ZFP92: variants seen among roughly 807,000 people sequenced by gnomAD.
The protein encoded by ZFP92 is ZFP92 zinc finger protein.
Under a neutral mutation model 7.6 loss-of-function variants are expected in ZFP92, and 2 were observed. The observed-to-expected ratio is 0.26, with a 90% CI of 0.11 to 0.83. ZFP92 has a LOEUF of 0.83. Ranked by LOEUF, ZFP92 falls within the 40% of genes least tolerant of loss-of-function variation. ZFP92 has a pLI of 0.65. For synonymous variants in ZFP92, 226 were observed against 183.6 expected (o/e 1.23, Z -1.87); for missense variants, 324 against 408.3 (o/e 0.79, Z 1.78).
In ZFP92 at chrX:153,420,985, G is replaced by A; in HGVS notation, c.608G>A (p.Ser203Asn). The part of the protein sequence containing the change: ...FALLEHQRIH[S>N]GEKPYACPEC... ...CTCCTGGAGCACCAGCGCATCCACAGCGGCGAGAAGCCCTACGCCTGCCCC... is the reference window on the plus strand; with the variant it reads ...CTCCTGGAGCACCAGCGCATCCACAACGGCGAGAAGCCCTACGCCTGCCCC... The change falls in exon 6 of 6, where the codon AGC becomes AAC. Residue 203 changes from serine to asparagine, a missense_variant. Ser to Asn is a conservative substitution (Grantham distance 46, BLOSUM62 1). Coordinates refer to ENST00000338647, the MANE Select transcript of ZFP92 (RefSeq NM_001136273.2). 8.3e-7 allele frequency: 1 copy of A among 1,200,510 alleles called. No homozygotes were observed. Among genetic ancestry groups the A allele is most frequent in the Non-Finnish European group, 1.1e-6 (1 of 889,642 alleles).
At chrX:153,412,476 A>G (rs1437150503) in intron 2 of ZFP92, among the ~76,000 whole-genome samples, 2 of 112,638 alleles carry the variant, frequency 1.8e-5, no homozygotes, top group Non-Finnish European at 3.8e-5. Context: ...AATGTTTTCC[A>G]TTAGTAATTA....
intron 2 of ZFP92, among the ~76,000 whole-genome samples, chrX:153,415,968 A>T (rs1299552381): frequency 9.0e-6 from 1 of 110,763 alleles, no homozygotes; most frequent in African/African-American, 3.3e-5. Context: ...CCAGCATCTC[A>T]TTGACGACCC....
chrX:153,414,356 T>C (rs2088933764), intron 2 of ZFP92, among the ~76,000 whole-genome samples: 1 of 111,429 alleles, frequency 9.0e-6, no homozygotes, highest in Non-Finnish European at 1.9e-5. Context: ...AACATAAAAA[T>C]TAATTTTTTG....
chrX:153,421,384 G>A lies in ZFP92; in HGVS notation c.1007G>A (p.Ser336Asn), dbSNP rs2089001668. The change falls in exon 6 of 6, where the codon AGC (serine) becomes AAC (asparagine). Residue 336 changes from serine to asparagine, a missense_variant. Physicochemically the swap from Ser to Asn is conservative, Grantham distance 46 (BLOSUM62 1). Transcript: ENST00000338647. ...GKAFRGRSGL[S>N]QHRRVHSGEK... ...GCCTTCCGTGGCCGTTCGGGCCTCA[G>A]CCAGCACCGGCGCGTGCACAGCGGT... The A allele has an allele frequency of 8.6e-7, 1 of 1,157,587 alleles. No individual in the cohort carries two copies. The highest frequency in any genetic ancestry group is 1.1e-6 in the Non-Finnish European group (1 of 872,423).
At chrX:153,413,186 C>G (rs1469157984) in intron 2 of ZFP92, among the ~76,000 whole-genome samples, 2 of 108,807 alleles carry the variant, frequency 1.8e-5, no homozygotes, top group Non-Finnish European at 3.8e-5. Flanking sequence ...GATGAAAAAG[C>G]CCAAATTCCT....
In ZFP92 at chrX:153,424,696, C is replaced by T. The variant is rs2089031362; in HGVS notation, c.*3068C>T. 1.8e-5 allele frequency: 2 copies of T among 112,496 alleles called. No individual in the cohort carries two copies. The highest frequency in any genetic ancestry group is 3.2e-5 in the African/African-American group (1 of 30,958). The allele number at this position is 112,496 out of a possible 1,213,427, so 9.3% of individuals were successfully genotyped here. ...TTGCCCTTTGAAACTGTGAATGCTT[C>T]AAGAGCCACATAAATGCTCTGGCAG... On this transcript the variant is annotated 3_prime_UTR_variant, in exon 6 of 6. Coordinates refer to ENST00000338647, the MANE Select transcript of ZFP92 (RefSeq NM_001136273.2).
Position 153,420,989 on chromosome X carries a change from C to T in ZFP92, c.612C>T (p.Gly204=), listed in dbSNP as rs782813653. 5 of 1,197,578 alleles carry T rather than the reference C, an allele frequency of 4.2e-6. No individual in the cohort carries two copies. In the African/African-American group the frequency reaches 8.7e-5, roughly 21 times the overall value. The change falls in exon 6 of 6, where the codon GGC becomes GGT. Residue 204 remains glycine (G), a synonymous_variant. Coordinates refer to ENST00000338647, the MANE Select transcript of ZFP92 (RefSeq NM_001136273.2). ...ALLEHQRIHS[G]EKPYACPECS... ...TGGAGCACCAGCGCATCCACAGCGG[C>T]GAGAAGCCCTACGCCTGCCCCGAGT...
At position 153,421,830 on chromosome X, in the gene ZFP92, G is replaced by C. The variant is rs1271218018; in HGVS notation, c.*202G>C. 1 of 445,456 alleles carries C rather than the reference G, an allele frequency of 2.2e-6. No individual in the cohort carries two copies. The highest frequency in any genetic ancestry group is 3.1e-6 in the Non-Finnish European group (1 of 325,658). 36.7% of individuals were successfully genotyped at this position (445,456 alleles called of 1,213,427 possible). A position where few individuals can be genotyped will look rare whatever the true frequency, so the allele number is the denominator to read the frequency against. On this transcript the variant is annotated 3_prime_UTR_variant, in exon 6 of 6. Transcript: ENST00000338647. ...AAACGCAGGAAGGACTCAGAACCGA[G>C]GACTGCCGCCTGCCCTGGCTCCTCC...
rs1556974254 is a variant in ZFP92, at chrX:153,418,392, G to A, written c.33+37G>A. 3.4e-6 allele frequency: 4 copies of A among 1,160,396 alleles called. No homozygotes were observed. The African/African-American group carries it at 5.4e-5, about 16-fold the overall frequency. ...CCCCTCTCCCTGGCCTCTCCCCCTGGCAGCCCCCGTCTGCTGCCTCCTCAT... is the reference window on the plus strand; with the variant it reads ...CCCCTCTCCCTGGCCTCTCCCCCTGACAGCCCCCGTCTGCTGCCTCCTCAT... On this transcript the variant is annotated intron_variant, in intron 3 of 5. Transcript: ENST00000338647.
rs993113718 is a variant in ZFP92 at position 153,420,215 on chromosome X, A to G, written c.161-13A>G. 22 of 1,159,214 alleles carry G rather than the reference A, an allele frequency of 1.9e-5. No individual in the cohort carries two copies. In the East Asian group the frequency reaches 3.9e-4, roughly 21 times the overall value. ...CCATAGTGGTCTTGACCTGCTTCAT[A>G]TTCCACGCCCAGGATTTTCCTTCTC... On this transcript the variant is annotated splice_polypyrimidine_tract_variant and intron_variant, in intron 4 of 5. Transcript: ENST00000338647.
In ZFP92 at chrX:153,423,429, C is replaced by CAT. The variant is rs1431506344; in HGVS notation, c.*1802_*1803insTA. 2.8e-5 allele frequency: 3 copies of CAT among 108,997 alleles called. No individual in the cohort carries two copies. The highest frequency in any genetic ancestry group is 5.8e-5 in the Non-Finnish European group (3 of 52,044). The allele number at this position is 108,997 out of a possible 1,213,427, so 9.0% of individuals were successfully genotyped here. A position where few individuals can be genotyped will look rare whatever the true frequency, so the allele number is the denominator to read the frequency against. ...ACACACACACACACACACACACACACACACGATATATATAGTTTTATGAAA... is the reference window on the plus strand; with the variant it reads ...ACACACACACACACACACACACACACATACACGATATATATAGTTTTATGAAA... On this transcript the variant is annotated 3_prime_UTR_variant, in exon 6 of 6. Transcript: ENST00000338647.
chrX:153,414,600 C>T (rs1453873436), intron 2 of ZFP92, among the ~76,000 whole-genome samples: 3 of 112,022 alleles, frequency 2.7e-5, no homozygotes, highest in Non-Finnish European at 5.6e-5. Flanking sequence ...CCACCCACCT[C>T]GGCCTCCCAA....
rs1211939358 is a variant in ZFP92, at chrX:153,425,625, A to G, written c.*3997A>G. The G allele has an allele frequency of 1.8e-5, 2 of 111,918 alleles. No individual in the cohort carries two copies. Among genetic ancestry groups the G allele is most frequent in the Non-Finnish European group, 3.8e-5 (2 of 53,148 alleles). The allele number at this position is 111,918 out of a possible 1,213,427, so 9.2% of individuals were successfully genotyped here. ...AACTGTAGTCGTCTCGATGGTTGTGATGCCCATGAGGTGTTGGGCTGGGGG... is the reference window on the plus strand; with the variant it reads ...AACTGTAGTCGTCTCGATGGTTGTGGTGCCCATGAGGTGTTGGGCTGGGGG... On this transcript the variant is annotated 3_prime_UTR_variant, in exon 6 of 6. Coordinates refer to ENST00000338647, the MANE Select transcript of ZFP92 (RefSeq NM_001136273.2).
Position 153,422,495 on chromosome X carries a change from C to G in ZFP92, c.*867C>G, listed in dbSNP as rs782690667. The G allele has an allele frequency of 9.0e-6, 1 of 111,125 alleles. No individual in the cohort carries two copies. The highest frequency in any genetic ancestry group is 3.3e-5 in the African/African-American group (1 of 30,455). 9.2% of individuals were successfully genotyped at this position (111,125 alleles called of 1,213,427 possible). On this transcript the variant is annotated 3_prime_UTR_variant, in exon 6 of 6. Transcript: ENST00000338647. ...TCCAGGCTTTGCTTTCCCCCCTGCC[C>G]GCCCACTGCCTTCTGCTCCCCAGAC...
intron 1 of ZFP92, among the ~76,000 whole-genome samples, 83 bp downstream of exon 1, chrX:153,411,786 C>T (rs1206673364): frequency 1.8e-5 from 2 of 112,275 alleles, no homozygotes; most frequent in Non-Finnish European, 3.8e-5. Flanking sequence ...TCGAGGGGGA[C>T]GAGGGAGCTG....
chrX:153,419,496 T>C (rs1447887999), intron 4 of ZFP92, among the ~76,000 whole-genome samples: 1 of 112,682 alleles, frequency 8.9e-6, no homozygotes, highest in Non-Finnish European at 1.9e-5. Context: ...ACGCAGCTGA[T>C]GAGAGATGCA....
At position 153,421,273 on chromosome X, in the gene ZFP92, A is replaced by G. The variant is rs1486508526; in HGVS notation, c.896A>G (p.Lys299Arg). The G allele has an allele frequency of 2.6e-6, 3 of 1,172,728 alleles. No individual in the cohort carries two copies. Among genetic ancestry groups the G allele is most frequent in the Middle Eastern group, 2.3e-4 (1 of 4,295 alleles). ...EKPYACGQCA[K>R]AFKGVSQLIH... The stretch of plus-strand genomic sequence containing the variant: ...CCCTACGCCTGCGGCCAGTGCGCCA[A>G]GGCCTTCAAGGGCGTCTCGCAGCTC... The change falls in exon 6 of 6, where the codon AAG becomes AGG. Residue 299 changes from lysine to arginine, a missense_variant. Lys to Arg is a conservative substitution (Grantham distance 26). Transcript: ENST00000338647.
chrX:153,420,052 C>T (rs1449703135), intron 4 of ZFP92, among the ~76,000 whole-genome samples, 176 bp from the exon 5 acceptor site: 6 of 112,522 alleles, frequency 5.3e-5, no homozygotes, highest in Non-Finnish European at 7.5e-5. Context: ...GCCCTGGACG[C>T]GCAGGAGCCC....
Position 153,421,394 on chromosome X carries a change from G to C in ZFP92, c.1017G>C (p.Arg339=). The change falls in exon 6 of 6, where the codon CGG becomes CGC. Residue 339 remains arginine (R), a synonymous_variant. Coordinates refer to ENST00000338647, the MANE Select transcript of ZFP92 (RefSeq NM_001136273.2). ...FRGRSGLSQH[R]RVHSGEKPYE... is the part of the protein sequence containing the mutation. ...GCCGTTCGGGCCTCAGCCAGCACCG[G>C]CGCGTGCACAGCGGTGAGAAGCCCT... The C allele has an allele frequency of 6.0e-6, 7 of 1,158,041 alleles. No homozygotes were observed. Among genetic ancestry groups the C allele is most frequent in the South Asian group, 1.9e-5 (1 of 52,681 alleles).
Sources: allele counts gnomAD v4.1 joint callset (sites outside exome capture counted in the v4.1 genomes callset), GRCh38; gene constraint gnomAD v4.1.1; transcripts MANE v1.5; gene names NCBI Gene and HGNC (gene_info 2026-07-23, HGNC 2026-07-21).